Variants in PTPRD observed in about 807,000 individuals in gnomAD.
PTPRD encodes protein tyrosine phosphatase receptor type D, also known as receptor-type tyrosine-protein phosphatase delta.
A neutral mutation model predicts 214.5 loss-of-function variants in PTPRD; 34 were observed. The ratio of observed to expected loss-of-function variants is 0.16; its 90% CI spans 0.12 to 0.21. PTPRD has a LOEUF of 0.21. Among genes scored for constraint, PTPRD ranks in the 10% least tolerant of loss-of-function variants. PTPRD has a pLI of 1.00. For missense variants in PTPRD, 2,545 were observed against 2,398.7 expected (o/e 1.06, Z -1.27); for synonymous variants, 1,128 against 845.7 (o/e 1.33, Z -5.79).
chr9:9,579,868 CTG>C, intron 7 of PTPRD, among the ~76,000 whole-genome samples: 1 of 152,264 alleles, frequency 6.6e-6, no homozygotes, highest in Non-Finnish European at 1.5e-5. Context: ...CCCTTACCCT[CTG>C]AGTTTCCATT....
At chr9:10,222,739 C>T (rs1224367556) in intron 3 of PTPRD, among the ~76,000 whole-genome samples, 1 of 152,026 alleles carries the variant, frequency 6.6e-6, no homozygotes, top group Non-Finnish European at 1.5e-5. Flanking sequence ...CTATGCAATT[C>T]CTAATGGGTA....
At chr9:8,425,295 G>A (rs975457691) in intron 35 of PTPRD, among the ~76,000 whole-genome samples, 1 of 152,260 alleles carries the variant, frequency 6.6e-6, no homozygotes. Flanking sequence ...TGGTCCCTCA[G>A]GTACTTGGAG....
At chr9:10,542,372 G>C (rs2059303047) in intron 2 of PTPRD, among the ~76,000 whole-genome samples, 1 of 152,094 alleles carries the variant, frequency 6.6e-6, no homozygotes, top group Non-Finnish European at 1.5e-5. Flanking sequence ...TTAAAGAAAA[G>C]TACAAAACAT....
chr9:8,946,302 A>C (rs976845022), intron 11 of PTPRD, among the ~76,000 whole-genome samples: 22 of 152,190 alleles, frequency 1.4e-4, no homozygotes, highest in African/African-American at 5.1e-4. Flanking sequence ...AAAATTAATC[A>C]AAAGTCTTAA....
chr9:8,330,895 TATATTAGTTTAA>T (rs1422463495), intron 44 of PTPRD, among the ~76,000 whole-genome samples: 2 of 152,136 alleles, frequency 1.3e-5, no homozygotes, highest in African/African-American at 2.4e-5. Flanking sequence ...AACCCTAAAA[TATATTAGTTTAA>T]ATAAAATTAG....
chr9:9,700,543 GACAA>G lies in PTPRD; in HGVS notation c.-287+33986_-287+33989del, dbSNP rs570738078. ...TGTTTGTAGAGAAATGAGATAATTAGACAAACAACAAAAACAAAAGCTGAAAGTG... is the reference window on the plus strand; with the variant it reads ...TGTTTGTAGAGAAATGAGATAATTAGACAACAAAAACAAAAGCTGAAAGTG... On this transcript the variant is annotated intron_variant, in intron 7 of 45. Coordinates refer to ENST00000381196, the MANE Select transcript of PTPRD (RefSeq NM_002839.4). Among the ~76,000 whole-genome samples the G allele has an allele frequency of 2.6e-3, 398 of 151,930 alleles. 2 individuals carry two copies. Among genetic ancestry groups the G allele is most frequent in the African/African-American group, 9.2e-3 (383 of 41,454 alleles).
At chr9:9,332,759 T>A (rs1313704365) in intron 9 of PTPRD, among the ~76,000 whole-genome samples, 2 of 151,886 alleles carry the variant, frequency 1.3e-5, no homozygotes, top group Non-Finnish European at 2.9e-5. Flanking sequence ...GGAGGGTTTT[T>A]TTTTTGGTAG....
intron 12 of PTPRD, among the ~76,000 whole-genome samples, chr9:8,676,869 C>T (rs548034784): frequency 9.9e-5 from 15 of 152,222 alleles, no homozygotes; most frequent in Admixed American, 3.3e-4. Context: ...CCACCGTGCC[C>T]GGCCCATTGT....
intron 11 of PTPRD, among the ~76,000 whole-genome samples, chr9:8,917,253 C>G (rs565568185): frequency 1.3e-5 from 2 of 150,694 alleles, no homozygotes; most frequent in Non-Finnish European, 1.5e-5. Flanking sequence ...CTCAGCCTCC[C>G]GAGTAGCTGG....
At chr9:9,053,919 T>C (rs894248224) in intron 10 of PTPRD, among the ~76,000 whole-genome samples, 8 of 152,164 alleles carry the variant, frequency 5.3e-5, no homozygotes, top group Non-Finnish European at 8.8e-5. Flanking sequence ...GAACATGAGA[T>C]AAGAAAATAT....
At chr9:10,410,128 G>T (rs1260835531) in intron 2 of PTPRD, among the ~76,000 whole-genome samples, 1 of 150,926 alleles carries the variant, frequency 6.6e-6, no homozygotes, top group Non-Finnish European at 1.5e-5. Flanking sequence ...AACAACTTTT[G>T]ATTCTGTTTT....
intron 33 of PTPRD, chr9:8,451,822 CTCT>C (rs2095965613): frequency 2.2e-6 from 1 of 463,394 alleles, no homozygotes; most frequent in Non-Finnish European, 4.3e-6. Context: ...CCCATTGTGG[CTCT>C]GCCATTCTTG....
At chr9:8,550,672 A>G (rs2081796319) in intron 14 of PTPRD, among the ~76,000 whole-genome samples, 1 of 152,232 alleles carries the variant, frequency 6.6e-6, no homozygotes, top group African/African-American at 2.4e-5. Context: ...TCCATATGCA[A>G]GAGAAACCTA....
At chr9:9,524,248 C>T (rs932232225) in intron 8 of PTPRD, among the ~76,000 whole-genome samples, 1 of 152,128 alleles carries the variant, frequency 6.6e-6, no homozygotes, top group African/African-American at 2.4e-5. Flanking sequence ...TGCTTACCAA[C>T]AGTTTGTTTC....
At chr9:8,774,135 A>G (rs1036329) in intron 11 of PTPRD, among the ~76,000 whole-genome samples, 15,984 of 152,212 alleles carry the variant, frequency 0.11, 943 homozygotes, top group Non-Finnish European at 0.13. Flanking sequence ...CCTCATTTGT[A>G]AACTGGGGAT....
At chr9:10,468,222 T>C (rs1588874435) in intron 2 of PTPRD, among the ~76,000 whole-genome samples, 1 of 152,280 alleles carries the variant, frequency 6.6e-6, no homozygotes, top group East Asian at 1.9e-4. Context: ...TGCAGTACAA[T>C]TCACAATAGC....
At chr9:10,091,102 G>A (rs993321312) in intron 3 of PTPRD, among the ~76,000 whole-genome samples, 8 of 150,828 alleles carry the variant, frequency 5.3e-5, no homozygotes, top group Admixed American at 4.6e-4. Flanking sequence ...CTTCTTAACA[G>A]GAAAAAATTA....
At chr9:9,149,909 TG>T (rs1288408304) in intron 10 of PTPRD, among the ~76,000 whole-genome samples, 7 of 152,190 alleles carry the variant, frequency 4.6e-5, no homozygotes, top group Non-Finnish European at 1.0e-4. Flanking sequence ...TTTAAGTACC[TG>T]AGGACTTAGA....
intron 3 of PTPRD, among the ~76,000 whole-genome samples, chr9:10,189,703 A>G (rs1442698178): frequency 6.6e-6 from 1 of 152,190 alleles, no homozygotes; most frequent in Non-Finnish European, 1.5e-5. Flanking sequence ...AAAAAAAAAT[A>G]TTTTAAAAGG....
Sources: allele counts gnomAD v4.1 joint callset (sites outside exome capture counted in the v4.1 genomes callset), GRCh38; gene constraint gnomAD v4.1.1; transcripts MANE v1.5; gene names NCBI Gene and HGNC (gene_info 2026-07-23, HGNC 2026-07-21).